Variants in LRIG3 observed in about 807,000 individuals in gnomAD.
LRIG3 encodes the protein leucine-rich repeats and immunoglobulin-like domains protein 3.
Under a neutral mutation model 114.5 loss-of-function variants are expected in LRIG3, and 76 were observed. The observed-to-expected ratio is 0.66, with a 90% confidence interval of 0.55 to 0.80. The LOEUF is 0.80. Ranked by LOEUF, LRIG3 falls within the 30% of genes least tolerant of loss-of-function variation. LRIG3 has a pLI of 0.00. For missense variants in LRIG3, 1,239 were observed against 1,382.8 expected (o/e 0.90, Z 1.65); for synonymous variants, 512 against 519.8 (o/e 0.98, Z 0.20).
At chr12:58,917,945 A>G (rs1222236043) in intron 1 of LRIG3, among the ~76,000 whole-genome samples, 1 of 152,242 alleles carries the variant, frequency 6.6e-6, no homozygotes, top group Non-Finnish European at 1.5e-5. Flanking sequence ...GTAAAACTCA[A>G]TTCCACGTGT....
At chr12:58,914,184 T>C in intron 2 of LRIG3, 81 bp downstream of exon 2, 2 of 1,509,924 alleles carry the variant, frequency 1.3e-6, no homozygotes, top group Non-Finnish European at 1.8e-6. Context: ...CTCACTATAA[T>C]CCAAGTATTC....
At chr12:58,919,093 A>G (rs1390605593) in intron 1 of LRIG3, among the ~76,000 whole-genome samples, 7 of 152,352 alleles carry the variant, frequency 4.6e-5, no homozygotes, top group African/African-American at 1.7e-4. Context: ...ACTACTTTAA[A>G]AAATACAAAT....
intron 3 of LRIG3, among the ~76,000 whole-genome samples, chr12:58,892,368 A>C (rs1739030322): frequency 6.6e-6 from 1 of 152,248 alleles, no homozygotes; most frequent in Non-Finnish European, 1.5e-5. Flanking sequence ...GTGTTTGTAC[A>C]CGGTCTGCAG....
intron 2 of LRIG3, 53 bp from the exon 3 acceptor site, chr12:58,914,109 A>G (rs904661790): frequency 7.0e-6 from 11 of 1,571,694 alleles, no homozygotes; most frequent in African/African-American, 1.4e-5. Flanking sequence ...GTAATCTGTA[A>G]TTCACAGAGG....
chr12:58,877,921 T>C, intron 14 of LRIG3, 69 bp from the exon 15 acceptor site: 1 of 1,421,438 alleles, frequency 7.0e-7, no homozygotes, highest in Non-Finnish European at 9.4e-7. Context: ...AATGTAGCAT[T>C]TAAACTTATT....
intron 16 of LRIG3, among the ~76,000 whole-genome samples, chr12:58,874,983 C>T (rs1004513444): frequency 2.0e-5 from 3 of 152,182 alleles, no homozygotes; most frequent in Admixed American, 6.5e-5. Context: ...GTATCTGAAC[C>T]AAACAACACA....
Position 58,877,841 on chromosome 12 carries a change from A to G in LRIG3, c.2095T>C (p.Phe699Leu). 6.3e-7 allele frequency: 1 copy of G among 1,597,520 alleles called. No homozygotes were observed. The change falls in exon 15 of 19, where the codon TTT (phenylalanine) becomes CTT (leucine). Residue 699 changes from phenylalanine to leucine, a missense_variant. By Grantham distance (22) the Phe-to-Leu change is conservative. Coordinates refer to ENST00000320743, the MANE Select transcript of LRIG3 (RefSeq NM_153377.5). ...ATLTVLETPSFLRPLLDRTVT... is the reference protein window; with the variant it reads ...ATLTVLETPSLLRPLLDRTVT... ...GTTCGGTCCAACAGTGGCCGCAAAA[A>G]TGATGGTGTTTCTGAAATAACAAGT... is the stretch of plus-strand genomic sequence containing the variant.
chr12:58,881,906 G>C (rs530801901), intron 12 of LRIG3, among the ~76,000 whole-genome samples: 1 of 152,176 alleles, frequency 6.6e-6, no homozygotes, highest in Non-Finnish European at 1.5e-5. Context: ...GTGTTTCAAC[G>C]TAATAGGGGG....
rs374902860 is a variant in LRIG3, at chr12:58,877,184, G to A, written c.2536+216C>T. On this transcript the variant is annotated intron_variant, in intron 15 of 18. Transcript: ENST00000320743. ...CTTGGATTTTATCTCACAGCCACAGGATACCCTGATGTCATTTTAACAAAA... is the reference window on the plus strand; with the variant it reads ...CTTGGATTTTATCTCACAGCCACAGAATACCCTGATGTCATTTTAACAAAA... Among the ~76,000 whole-genome samples, 75 of 152,270 alleles carry A rather than the reference G, an allele frequency of 4.9e-4. 2 individuals carry two copies. Among genetic ancestry groups the A allele is most frequent in the Non-Finnish European group, 1.0e-3 (71 of 68,022 alleles).
At chr12:58,889,625 A>G (rs940166023) in intron 5 of LRIG3, among the ~76,000 whole-genome samples, 6 of 152,000 alleles carry the variant, frequency 3.9e-5, no homozygotes, top group Non-Finnish European at 5.9e-5. Context: ...AACAAGACAG[A>G]TCTTTACAGC....
chr12:58,918,149 G>A (rs1185168054), intron 1 of LRIG3, among the ~76,000 whole-genome samples: 1 of 152,230 alleles, frequency 6.6e-6, no homozygotes, highest in Non-Finnish European at 1.5e-5. Flanking sequence ...AACAGACTGA[G>A]TGCTTATTTA....
At chr12:58,912,223 G>A (rs753164645) in intron 3 of LRIG3, among the ~76,000 whole-genome samples, 132 of 152,178 alleles carry the variant, frequency 8.7e-4, no homozygotes, top group African/African-American at 1.5e-3. Context: ...GGGGCTGGGC[G>A]CAGTGGCTCA....
At chr12:58,919,145 G>A (rs1332384005) in intron 1 of LRIG3, among the ~76,000 whole-genome samples, 4 of 151,922 alleles carry the variant, frequency 2.6e-5, no homozygotes. Flanking sequence ...TTTAAAACTG[G>A]GACTGAGGAA....
rs112315196 is a variant in LRIG3 at position 58,885,774 on chromosome 12, T to C, written c.1244+57A>G. The C allele has an allele frequency of 8.4e-5, 104 of 1,236,020 alleles. No individual in the cohort carries two copies. The African/African-American group carries it at 1.5e-3, about 18-fold the overall frequency. The allele number at this position is 1,236,020 out of a possible 1,614,324, so 76.6% of individuals were successfully genotyped here. A position where few individuals can be genotyped will look rare whatever the true frequency, so the allele number is the denominator to read the frequency against. Reference sequence around the variant, plus strand: ...AGTTTGTTTTATCTTTCATGACACATAAGTAAAAACCATCTTAGAGATTCT... The same window carrying C: ...AGTTTGTTTTATCTTTCATGACACACAAGTAAAAACCATCTTAGAGATTCT... On this transcript the variant is annotated intron_variant, in intron 10 of 18. Coordinates refer to ENST00000320743, the MANE Select transcript of LRIG3 (RefSeq NM_153377.5).
intron 13 of LRIG3, among the ~76,000 whole-genome samples, chr12:58,879,558 T>C (rs545887774): frequency 6.6e-6 from 1 of 152,330 alleles, no homozygotes; most frequent in South Asian, 2.1e-4. Flanking sequence ...CTGTTCTATG[T>C]GCCAGGCCAC....
At chr12:58,889,092 A>T (rs75196556) in intron 5 of LRIG3, 130 bp from the exon 6 acceptor site, 13,563 of 877,506 alleles carry the variant, frequency 0.015, 271 homozygotes, top group East Asian at 0.077. Context: ...CAGTTTCTAA[A>T]CATTTTTATT....
At chr12:58,883,484 T>G in intron 11 of LRIG3, 36 bp downstream of exon 11, 1 of 1,461,582 alleles carries the variant, frequency 6.8e-7, no homozygotes, top group Non-Finnish European at 9.4e-7. Flanking sequence ...TTCCCCTCTA[T>G]ACTTTCAGAC....
At chr12:58,875,754 A>G (rs1870894298) in intron 16 of LRIG3, among the ~76,000 whole-genome samples, 1 of 152,218 alleles carries the variant, frequency 6.6e-6, no homozygotes, top group African/African-American at 2.4e-5. Flanking sequence ...AGACTTCTCA[A>G]AGAGGCTGGG....
chr12:58,886,561 T>C (rs1201142032), intron 9 of LRIG3, among the ~76,000 whole-genome samples: 1 of 152,104 alleles, frequency 6.6e-6, no homozygotes, highest in Non-Finnish European at 1.5e-5. Flanking sequence ...AGATGAAAAT[T>C]ATTATGAGGA....
Sources: gnomAD v4.1 joint callset for allele counts (sites outside exome capture counted in the v4.1 genomes callset) on GRCh38, gnomAD v4.1.1 for gene constraint, MANE v1.5 for transcripts, NCBI Gene and HGNC (gene_info 2026-07-23, HGNC 2026-07-21) for gene names.